Variants in ANK2 observed in about 807,000 individuals in gnomAD.
The protein encoded by ANK2 is ankyrin 2.
In ANK2, 83 loss-of-function variants were observed where a neutral mutation model predicts 360.5. The observed-to-expected ratio is 0.23, with a 90% CI of 0.19 to 0.28. ANK2 has a LOEUF of 0.28. ANK2 is among the 10% of genes least tolerant of loss of function. The pLI, the probability that ANK2 is intolerant of heterozygous loss-of-function variation, is 1.00. For missense variants in ANK2, 4,201 were observed against 4,795.7 expected (o/e 0.88, Z 3.66); for synonymous variants, 1,740 against 1,759.5 (o/e 0.99, Z 0.28).
intron 4 of ANK2, among the ~76,000 whole-genome samples, chr4:113,211,578 G>C (rs1387566753): frequency 2.6e-5 from 4 of 152,132 alleles, no homozygotes; most frequent in Non-Finnish European, 5.9e-5. Context: ...GTAAACAAAT[G>C]CAAATATTTT....
rs374707634 is a variant in ANK2, at chr4:113,274,545, A to T, written c.1579A>T (p.Thr527Ser). 6.2e-7 allele frequency: 1 copy of T among 1,614,088 alleles called. No homozygotes were observed. ...ACATATGGCTCATCCAGATGCGGCCACTACAAATGGGTACACACCACTGCA... is the reference window on the plus strand; with the variant it reads ...ACATATGGCTCATCCAGATGCGGCCTCTACAAATGGGTACACACCACTGCA... ...LQHMAHPDAA[T>S]TNGYTPLHIS... The change falls in exon 15 of 46, where the codon ACT (threonine) becomes TCT (serine). Residue 527 changes from threonine (T) to serine (S), a missense_variant. Coordinates refer to ENST00000357077, the MANE Select transcript of ANK2 (RefSeq NM_001148.6).
the ANK2 span, chr4:112,798,274 A>C: frequency 2.0e-5 from 3 of 152,204 alleles, no homozygotes; most frequent in Admixed American, 6.6e-5. Context: ...AATGACAGAA[A>C]TAGTTTTTAC....
chr4:113,378,103 C>T (rs1379107094), intron 45 of ANK2: 2 of 1,267,562 alleles, frequency 1.6e-6, no homozygotes, highest in Non-Finnish European at 2.1e-6. Flanking sequence ...TTGAGTTACA[C>T]AGGTAGCCAC....
At chr4:112,738,735 C>T in the ANK2 span, 161 of 617,610 alleles carry the variant, frequency 2.6e-4, 1 homozygote, top group Admixed American at 1.1e-4. Context: ...GAAGTTCATC[C>T]GGCACCAGTC....
At chr4:113,154,551 C>T (rs1425191593) in intron 1 of ANK2, among the ~76,000 whole-genome samples, 1 of 152,092 alleles carries the variant, frequency 6.6e-6, no homozygotes, top group East Asian at 1.9e-4. Context: ...ATTCTTCTGG[C>T]CTCACTAAAA....
intron 2 of ANK2, among the ~76,000 whole-genome samples, chr4:112,930,000 C>T (rs1158113207): frequency 6.6e-6 from 1 of 152,066 alleles, no homozygotes; most frequent in Non-Finnish European, 1.5e-5. Context: ...ATTGTCTTGT[C>T]ACTTGTGAAA....
intron 4 of ANK2, among the ~76,000 whole-genome samples, chr4:113,222,046 C>T (rs1490019289): frequency 6.6e-6 from 1 of 152,210 alleles, no homozygotes; most frequent in Non-Finnish European, 1.5e-5. Flanking sequence ...TAATGTGAAA[C>T]TTCAGGCATG....
At chr4:113,159,672 G>C (rs1206288412) in intron 1 of ANK2, among the ~76,000 whole-genome samples, 1 of 151,572 alleles carries the variant, frequency 6.6e-6, no homozygotes, top group African/African-American at 2.4e-5. Context: ...GCAGTGGCAC[G>C]ATCTCGGCTC....
At chr4:113,065,549 G>A (rs114351601) in intron 1 of ANK2, among the ~76,000 whole-genome samples, 3 of 152,164 alleles carry the variant, frequency 2.0e-5, no homozygotes, top group Non-Finnish European at 4.4e-5. Flanking sequence ...AATCATGTAC[G>A]TAGTTAGTGG....
intron 1 of ANK2, among the ~76,000 whole-genome samples, chr4:112,840,395 G>T (rs771793986): frequency 1.2e-4 from 19 of 152,272 alleles, no homozygotes; most frequent in South Asian, 2.1e-4. Flanking sequence ...TGGCTTGAAG[G>T]TTCCTCTGGA....
intron 1 of ANK2, among the ~76,000 whole-genome samples, chr4:113,124,572 C>T (rs1458750689): frequency 1.3e-5 from 2 of 152,062 alleles, no homozygotes; most frequent in Non-Finnish European, 2.9e-5. Flanking sequence ...ACCACAGTTT[C>T]CAGAGCAGTC....
intron 1 of ANK2, among the ~76,000 whole-genome samples, chr4:113,167,329 T>C (rs1189493209): frequency 6.6e-6 from 1 of 151,700 alleles, no homozygotes; most frequent in African/African-American, 2.4e-5. Flanking sequence ...GAAACAGAGT[T>C]TCGCTCTTGT....
intron 21 of ANK2, 79 bp from the exon 22 acceptor site, chr4:113,293,361 G>A: frequency 8.1e-7 from 1 of 1,241,872 alleles, no homozygotes; most frequent in Non-Finnish European, 1.2e-6. Context: ...GGCTGATGCA[G>A]AGCAGCGGGT....
At chr4:112,724,556 TACACAC>T in the ANK2 span, among the ~76,000 whole-genome samples, 1,533 of 141,758 alleles carry the variant, frequency 0.011, 27 homozygotes, top group African/African-American at 0.032. Flanking sequence ...CACACACACA[TACACAC>T]ACACACACAC....
intron 1 of ANK2, among the ~76,000 whole-genome samples, chr4:112,862,993 T>A (rs2068662504): frequency 6.6e-6 from 1 of 152,202 alleles, no homozygotes; most frequent in South Asian, 2.1e-4. Context: ...TTGTGCACCC[T>A]TAGTGATGAA....
At chr4:112,708,994 TA>T in the ANK2 span, among the ~76,000 whole-genome samples, 1 of 152,220 alleles carries the variant, frequency 6.6e-6, no homozygotes, top group Non-Finnish European at 1.5e-5. Flanking sequence ...AGTGGTCCAG[TA>T]CCTTCACACA....
intron 29 of ANK2, among the ~76,000 whole-genome samples, chr4:113,333,958 C>G (rs1157901089): frequency 6.6e-6 from 1 of 152,152 alleles, no homozygotes; most frequent in Non-Finnish European, 1.5e-5. Flanking sequence ...AGAAAAGGTC[C>G]TAGACCTAAT....
At chr4:113,082,448 T>G (rs575287975) in intron 1 of ANK2, among the ~76,000 whole-genome samples, 1 of 152,320 alleles carries the variant, frequency 6.6e-6, no homozygotes, top group African/African-American at 2.4e-5. Flanking sequence ...CAAGCATGCC[T>G]TCTTATTTGT....
At chr4:113,184,299 T>A (rs937818270) in intron 2 of ANK2, among the ~76,000 whole-genome samples, 4 of 151,570 alleles carry the variant, frequency 2.6e-5, no homozygotes, top group African/African-American at 9.7e-5. Context: ...TTTGCAGGGA[T>A]GATGGTGGAG....
Sources: gnomAD v4.1 joint callset for allele counts (sites outside exome capture counted in the v4.1 genomes callset) on GRCh38, gnomAD v4.1.1 for gene constraint, MANE v1.5 for transcripts, NCBI Gene and HGNC (gene_info 2026-07-23, HGNC 2026-07-21) for gene names.